The following PIP5K1A variants were observed in gnomAD, a reference collection of about 807,000 sequenced individuals.
The protein encoded by PIP5K1A is phosphatidylinositol 4-phosphate 5-kinase type-1 alpha.
Under a neutral mutation model 72.9 loss-of-function variants are expected in PIP5K1A, and 46 were observed. That is an observed-to-expected ratio of 0.63 (90% CI 0.50 to 0.81). PIP5K1A has a LOEUF of 0.81. PIP5K1A is among the 30% of genes least tolerant of loss of function. PIP5K1A has a pLI of 0.00. For synonymous variants in PIP5K1A, 228 were observed against 255.1 expected (o/e 0.89, Z 1.01); for missense variants, 458 against 706.1 (o/e 0.65, Z 3.98).
intron 12 of PIP5K1A, chr1:151,240,325 G>A: frequency 2.6e-6 from 1 of 378,466 alleles, no homozygotes; most frequent in Non-Finnish European, 4.8e-6. Context: ...GTGTAGTTGT[G>A]GATGTAGGAT....
At position 151,248,051 on chromosome 1, in the gene PIP5K1A, A is replaced by G; in HGVS notation, c.*186A>G. 2 of 631,630 alleles carry G rather than the reference A, an allele frequency of 3.2e-6. No homozygotes were observed. The highest frequency in any genetic ancestry group is 2.8e-6 in the Non-Finnish European group (1 of 353,086). The allele number at this position is 631,630 out of a possible 1,614,324, so 39.1% of individuals were successfully genotyped here. A position where few individuals can be genotyped will look rare whatever the true frequency, so the allele number is the denominator to read the frequency against. On this transcript the variant is annotated 3_prime_UTR_variant, in exon 16 of 16. Coordinates refer to ENST00000368888, the MANE Select transcript of PIP5K1A (RefSeq NM_001135638.2). Reference sequence around the variant, plus strand: ...GAACCTTCTCTCCTTCCTCTTCCTCATGAATGGGCCTTAGTGCCTCAGAGA... The same window carrying G: ...GAACCTTCTCTCCTTCCTCTTCCTCGTGAATGGGCCTTAGTGCCTCAGAGA...
Position 151,198,930 on chromosome 1 carries a change from G to C in PIP5K1A, c.-67G>C, listed in dbSNP as rs1684797563. 1 of 1,465,686 alleles carries C rather than the reference G, an allele frequency of 6.8e-7. No homozygotes were observed. Among genetic ancestry groups the C allele is most frequent in the Non-Finnish European group, 9.5e-7 (1 of 1,049,054 alleles). The allele number at this position is 1,465,686 out of a possible 1,614,324, so 90.8% of individuals were successfully genotyped here. A position where few individuals can be genotyped will look rare whatever the true frequency, so the allele number is the denominator to read the frequency against. On this transcript the variant is annotated 5_prime_UTR_variant, in exon 1 of 16. Transcript: ENST00000368888. The stretch of plus-strand genomic sequence containing the variant: ...CTGTAAAGAGACGTTGGGAAGATTC[G>C]ATTCCGAGAAGAGGAAGAACCGGAT...
intron 5 of PIP5K1A, 86 bp from the exon 6 acceptor site, chr1:151,232,162 T>G: frequency 1.1e-4 from 99 of 865,410 alleles, no homozygotes; most frequent in Non-Finnish European, 1.8e-4. Flanking sequence ...CCCCCCACCA[T>G]GAGGTGACTC....
chr1:151,238,644 C>T (rs587703655), intron 10 of PIP5K1A: 6 of 267,046 alleles, frequency 2.2e-5, no homozygotes, highest in African/African-American at 1.3e-4. Flanking sequence ...AGGAGGGTCA[C>T]TGTGTTCTGT....
rs185704630 is a variant in PIP5K1A at position 151,246,305 on chromosome 1, C to T, written c.1641-615C>T. Among the ~76,000 whole-genome samples, 40 of 152,176 alleles carry T rather than the reference C, an allele frequency of 2.6e-4. No individual in the cohort carries two copies. In the South Asian group the frequency reaches 6.8e-3, roughly 26 times the overall value. The stretch of plus-strand genomic sequence containing the variant: ...GTACCTTAGCTGGATGCCTTTGGCT[C>T]GGGTTCTCTCGAGATTACAGTCAAG... On this transcript the variant is annotated intron_variant, in intron 14 of 15. Transcript: ENST00000368888.
rs150227226 is a variant in PIP5K1A, at chr1:151,207,999, C to T, written c.85+8918C>T. On this transcript the variant is annotated intron_variant, in intron 1 of 15. Transcript: ENST00000368888. ...CCTGCTTCCCTAGTAGCTGGGATTA[C>T]AGGCACATGCCACCACGCCTGGCTA... Among the ~76,000 whole-genome samples, 667 of 151,706 alleles carry T rather than the reference C, an allele frequency of 4.4e-3. 6 individuals are homozygous for T. Among genetic ancestry groups the T allele is most frequent in the Middle Eastern group, 0.014 (4 of 292 alleles).
At chr1:151,197,703 C>A (rs587712658), upstream of PIP5K1A, among the ~76,000 whole-genome samples, 7 of 152,262 alleles carry the variant, frequency 4.6e-5, no homozygotes, top group African/African-American at 1.7e-4. Flanking sequence ...AATTATGGAG[C>A]CCCTACTATG....
intron 1 of PIP5K1A, among the ~76,000 whole-genome samples, chr1:151,217,968 G>C (rs1687879327): frequency 6.6e-6 from 1 of 152,082 alleles, no homozygotes; most frequent in Non-Finnish European, 1.5e-5. Flanking sequence ...TAGAGATGAG[G>C]TTTCACCATG....
At chr1:151,219,343 T>C (rs1229086759) in intron 1 of PIP5K1A, among the ~76,000 whole-genome samples, 1 of 142,894 alleles carries the variant, frequency 7.0e-6, no homozygotes, top group Non-Finnish European at 1.5e-5. Context: ...ATCGTGCCAC[T>C]GCACTCCAGC....
At chr1:151,222,808 G>A (rs1688565531) in intron 1 of PIP5K1A, among the ~76,000 whole-genome samples, 1 of 152,150 alleles carries the variant, frequency 6.6e-6, no homozygotes, top group Admixed American at 6.6e-5. Context: ...TTGGGGGATG[G>A]GGCAGCTGAG....
chr1:151,195,737 A>G (rs2101740234), upstream of PIP5K1A, among the ~76,000 whole-genome samples: 1 of 151,628 alleles, frequency 6.6e-6, no homozygotes, highest in East Asian at 2.0e-4. Context: ...ACAGAGCCAG[A>G]CTCTGTCTCA....
intron 1 of PIP5K1A, chr1:151,215,966 C>T: frequency 7.7e-7 from 1 of 1,303,188 alleles, no homozygotes; most frequent in Non-Finnish European, 1.0e-6. Context: ...CATTAGGTTT[C>T]AACTTTCTGT....
intron 14 of PIP5K1A, 33 bp downstream of exon 14, chr1:151,242,600 T>G: frequency 1.9e-6 from 3 of 1,586,808 alleles, no homozygotes; most frequent in Non-Finnish European, 2.6e-6. Flanking sequence ...CCATATAATC[T>G]TATCTCTCTT....
At chr1:151,197,275 TG>T (rs780092235), upstream of PIP5K1A, among the ~76,000 whole-genome samples, 1,234 of 151,598 alleles carry the variant, frequency 8.1e-3, 19 homozygotes, top group Middle Eastern at 0.037. Flanking sequence ...CTGTTTTTTT[TG>T]TTTGTTTGTT....
At chr1:151,224,922 C>G (rs1176090621) in intron 3 of PIP5K1A, among the ~76,000 whole-genome samples, 3 of 152,122 alleles carry the variant, frequency 2.0e-5, no homozygotes, top group African/African-American at 4.8e-5. Flanking sequence ...GCCCTTTTGA[C>G]CTGGGACTTC....
At chr1:151,227,497 G>GT (rs1321002650) in intron 4 of PIP5K1A, 97 bp downstream of exon 4, 4 of 704,130 alleles carry the variant, frequency 5.7e-6, no homozygotes, top group Admixed American at 4.7e-5. Context: ...GTACTGTCCT[G>GT]TTTCTTGATC....
chr1:151,207,689 G>A (rs1182410834), intron 1 of PIP5K1A, among the ~76,000 whole-genome samples: 5 of 151,630 alleles, frequency 3.3e-5, no homozygotes, highest in East Asian at 1.9e-4. Flanking sequence ...ACGCCACCAC[G>A]CCTGGCTAAT....
At chr1:151,213,923 A>G (rs1427096676) in intron 1 of PIP5K1A, among the ~76,000 whole-genome samples, 4 of 152,234 alleles carry the variant, frequency 2.6e-5, no homozygotes, top group Non-Finnish European at 4.4e-5. Flanking sequence ...TAAAGTTACA[A>G]AATAAGCCTA....
At chr1:151,197,469 C>T (rs1224649763), upstream of PIP5K1A, among the ~76,000 whole-genome samples, 1 of 151,508 alleles carries the variant, frequency 6.6e-6, no homozygotes, top group East Asian at 2.0e-4. Flanking sequence ...TTAGTAGAGA[C>T]GGGGTTTCAC....
Sources: allele counts gnomAD v4.1 joint callset (sites outside exome capture counted in the v4.1 genomes callset), GRCh38; gene constraint gnomAD v4.1.1; transcripts MANE v1.5; gene names NCBI Gene and HGNC (gene_info 2026-07-23, HGNC 2026-07-21).